The following CLDN20 variants were observed in gnomAD, a reference collection of about 807,000 sequenced individuals.
CLDN20 encodes claudin 20, also known as claudin-20.
For missense variants in CLDN20, 258 were observed against 267.9 expected, an observed-to-expected ratio of 0.96 and a Z score of 0.26; for synonymous variants, 104 against 103.6, an observed-to-expected ratio of 1.00 and a Z score of -0.03.
intron 1 of CLDN20, among the ~76,000 whole-genome samples, chr6:155,274,227 C>G (rs1785067044): frequency 6.6e-6 from 1 of 152,146 alleles, no homozygotes; most frequent in African/African-American, 2.4e-5. Flanking sequence ...TCAAAATTAA[C>G]TCAGAATGAC....
chr6:155,276,286 T>C lies in CLDN20; in HGVS notation c.567T>C (p.Asn189=), dbSNP rs533884629. The C allele has an allele frequency of 3.7e-6, 6 of 1,613,996 alleles. No individual in the cohort carries two copies. The South Asian group carries it at 6.6e-5, about 18-fold the overall frequency. Residue 189 remains asparagine (N), a synonymous_variant, in exon 2 of 2, where the codon AAT becomes AAC. Transcript: ENST00000367165. ...MIFCTSCIKR[N]PEARLDPPTQ... ...TCTGCACCTCCTGTATAAAAAGGAATCCAGAAGCTAGACTCGACCCACCCA... is the reference window on the plus strand; with the variant it reads ...TCTGCACCTCCTGTATAAAAAGGAACCCAGAAGCTAGACTCGACCCACCCA...
At chr6:155,264,938 C>T (rs144191421) in intron 1 of CLDN20, among the ~76,000 whole-genome samples, 252 of 152,236 alleles carry the variant, frequency 1.7e-3, no homozygotes, top group Non-Finnish European at 2.8e-3. Context: ...CACGTGTAAT[C>T]CTCAAGAAAG....
Position 155,276,510 on chromosome 6 carries a change from A to G in CLDN20, c.*131A>G, listed in dbSNP as rs6925410. The G allele has an allele frequency of 0.64, 507,664 of 797,208 alleles. 165,991 individuals carry two copies. Among genetic ancestry groups the G allele is most frequent in the East Asian group, 0.98 (36,568 of 37,294 alleles). The allele number at this position is 797,208 out of a possible 1,614,324, so 49.4% of individuals were successfully genotyped here. On this transcript the variant is annotated 3_prime_UTR_variant, in exon 2 of 2. Transcript: ENST00000367165. ...ATGTAAAATACTTTAACAACTACAA[A>G]GTAGTTTAAAATGCCAATAAAACTA... is the stretch of plus-strand genomic sequence containing the variant.
At chr6:155,265,231 G>A (rs983688345) in intron 1 of CLDN20, among the ~76,000 whole-genome samples, 3 of 152,220 alleles carry the variant, frequency 2.0e-5, no homozygotes, top group African/African-American at 7.2e-5. Flanking sequence ...AACTGCCAGG[G>A]TCTGGACCCC....
In CLDN20 at chr6:155,276,317, C is replaced by G. The variant is rs1041601154; in HGVS notation, c.598C>G (p.Gln200Glu). The change falls in exon 2 of 2, where the codon CAG becomes GAG. Residue 200 changes from glutamine to glutamate, a missense_variant. Physicochemically the swap from Gln to Glu is conservative, Grantham distance 29 (BLOSUM62 2). Transcript: ENST00000367165. ...PEARLDPPTQ[Q>E]PISNTQLENN... Reference sequence around the variant, plus strand: ...AGCTAGACTCGACCCACCCACACAGCAGCCTATCTCTAACACACAGCTCGA... The same window carrying G: ...AGCTAGACTCGACCCACCCACACAGGAGCCTATCTCTAACACACAGCTCGA... 1.2e-6 allele frequency: 2 copies of G among 1,613,704 alleles called. No homozygotes were observed. Among genetic ancestry groups the G allele is most frequent in the Non-Finnish European group, 1.7e-6 (2 of 1,180,026 alleles).
At chr6:155,268,442 G>A (rs962986337) in intron 1 of CLDN20, among the ~76,000 whole-genome samples, 3 of 152,182 alleles carry the variant, frequency 2.0e-5, no homozygotes, top group African/African-American at 7.2e-5. Flanking sequence ...AGAAGATGGA[G>A]TGCAATGCTT....
intron 1 of CLDN20, among the ~76,000 whole-genome samples, chr6:155,270,502 G>A (rs548493867): frequency 6.6e-6 from 1 of 152,230 alleles, no homozygotes; most frequent in East Asian, 1.9e-4. Context: ...TATAGCTAAC[G>A]AAAGTTGCTT....
chr6:155,274,736 T>C (rs1285675791), intron 1 of CLDN20, among the ~76,000 whole-genome samples: 1 of 152,260 alleles, frequency 6.6e-6, no homozygotes, highest in East Asian at 1.9e-4. Context: ...CAGACTTCTT[T>C]CCACTGCTGT....
At chr6:155,272,908 G>C (rs1378946495) in intron 1 of CLDN20, among the ~76,000 whole-genome samples, 1 of 152,068 alleles carries the variant, frequency 6.6e-6, no homozygotes, top group African/African-American at 2.4e-5. Flanking sequence ...TCAGTTAATG[G>C]GAAGAAAAGG....
intron 1 of CLDN20, among the ~76,000 whole-genome samples, chr6:155,271,694 A>G (rs1275092719): frequency 6.6e-6 from 1 of 152,256 alleles, no homozygotes; most frequent in Non-Finnish European, 1.5e-5. Context: ...TGTTAAAAAT[A>G]TTTCAGACCA....
chr6:155,269,088 T>C (rs1225009202), intron 1 of CLDN20, among the ~76,000 whole-genome samples: 1 of 151,136 alleles, frequency 6.6e-6, no homozygotes, highest in Non-Finnish European at 1.5e-5. Context: ...TAAATGCTGA[T>C]ATGTAAAGCT....
At chr6:155,271,464 C>A (rs1784911664) in intron 1 of CLDN20, among the ~76,000 whole-genome samples, 1 of 152,112 alleles carries the variant, frequency 6.6e-6, no homozygotes, top group Admixed American at 6.5e-5. Flanking sequence ...ACTCAGGGCA[C>A]CACACACACA....
At chr6:155,271,798 T>C (rs1784932723) in intron 1 of CLDN20, among the ~76,000 whole-genome samples, 1 of 152,300 alleles carries the variant, frequency 6.6e-6, no homozygotes, top group South Asian at 2.1e-4. Flanking sequence ...TAAAACATTA[T>C]ATTAAAAGAA....
At chr6:155,266,520 T>C (rs1295072213) in intron 1 of CLDN20, among the ~76,000 whole-genome samples, 4 of 152,116 alleles carry the variant, frequency 2.6e-5, no homozygotes, top group African/African-American at 9.7e-5. Flanking sequence ...AAAAGCCAGA[T>C]ACAAACTTCC....
intron 1 of CLDN20, among the ~76,000 whole-genome samples, chr6:155,265,682 T>A (rs1459341396): frequency 6.8e-6 from 1 of 147,034 alleles, no homozygotes; most frequent in East Asian, 2.0e-4. Context: ...AATATATATA[T>A]ATGAGTTTAT....
chr6:155,269,189 G>A (rs1784808019), intron 1 of CLDN20, among the ~76,000 whole-genome samples: 1 of 151,660 alleles, frequency 6.6e-6, no homozygotes, highest in Non-Finnish European at 1.5e-5. Context: ...ATTAGAGGTG[G>A]GGCAATGCTA....
chr6:155,266,707 C>T (rs1396075070), intron 1 of CLDN20, among the ~76,000 whole-genome samples: 3 of 151,834 alleles, frequency 2.0e-5, no homozygotes, highest in African/African-American at 4.8e-5. Flanking sequence ...ATTAGCCAGG[C>T]GTGGTGGCGG....
At chr6:155,266,650 T>A (rs1194976895) in intron 1 of CLDN20, among the ~76,000 whole-genome samples, 2 of 151,804 alleles carry the variant, frequency 1.3e-5, no homozygotes, top group African/African-American at 4.8e-5. Context: ...ATCGAGACCA[T>A]CCTGGCTAAC....
At chr6:155,269,559 C>T (rs2989456) in intron 1 of CLDN20, among the ~76,000 whole-genome samples, 99,667 of 151,792 alleles carry the variant, frequency 0.66, 33,478 homozygotes, top group East Asian at 0.98. Flanking sequence ...TGACCTCAGG[C>T]GATCCGCCTG....
Sources: allele counts gnomAD v4.1 joint callset (sites outside exome capture counted in the v4.1 genomes callset), GRCh38; gene constraint gnomAD v4.1.1; transcripts MANE v1.5; gene names NCBI Gene and HGNC (gene_info 2026-07-23, HGNC 2026-07-21).